The following SESN2 variants were observed in gnomAD, a reference collection of about 807,000 sequenced individuals.
The protein encoded by SESN2 is sestrin-2.
SESN2 carries 42 observed loss-of-function variants against 56.0 expected under a neutral mutation model. The observed-to-expected ratio is 0.75, with a 90% confidence interval of 0.59 to 0.97. SESN2 has a LOEUF of 0.97. Among genes scored for constraint, SESN2 ranks in the 50% least tolerant of loss-of-function variants. The pLI, the probability that SESN2 is intolerant of heterozygous loss-of-function variation, is 0.00. For synonymous variants in SESN2, 264 were observed against 267.1 expected, an observed-to-expected ratio of 0.99 and a Z score of 0.11; for missense variants, 507 against 649.4, an observed-to-expected ratio of 0.78 and a Z score of 2.38.
rs760136906 is a variant in SESN2, at chr1:28,273,492, G to A, written c.885G>A (p.Leu295=). The change falls in exon 6 of 10, where the codon CTG becomes CTA. Residue 295 remains leucine, a synonymous_variant. Coordinates refer to ENST00000253063, the MANE Select transcript of SESN2 (RefSeq NM_031459.5). ...TTGAGCTGGAGAAGTCAGAGAGCCTGCTGGTGACCCCCTCAGGTACAGGGT... is the reference window on the plus strand; with the variant it reads ...TTGAGCTGGAGAAGTCAGAGAGCCTACTGGTGACCCCCTCAGGTACAGGGT... The part of the protein sequence containing the change: ...SRFELEKSES[L]LVTPSADILE... The A allele has an allele frequency of 1.2e-6, 2 of 1,607,890 alleles. No individual in the cohort carries two copies.
intron 2 of SESN2, 25 bp from the exon 3 acceptor site, chr1:28,271,649 T>C (rs1294954945): frequency 6.3e-7 from 1 of 1,597,846 alleles, no homozygotes; most frequent in South Asian, 1.1e-5. Flanking sequence ...GGGAAACCCA[T>C]GCTCTCCTCC....
At chr1:28,280,299 C>T (rs987413252) in intron 9 of SESN2, among the ~76,000 whole-genome samples, 4 of 152,132 alleles carry the variant, frequency 2.6e-5, no homozygotes, top group Admixed American at 6.6e-5. Flanking sequence ...CTCTGTCTCC[C>T]GGGTTCAAGT....
intron 9 of SESN2, among the ~76,000 whole-genome samples, chr1:28,279,522 G>A (rs918421373): frequency 1.3e-5 from 2 of 152,020 alleles, no homozygotes; most frequent in Admixed American, 6.5e-5. Flanking sequence ...TGTGACTTTC[G>A]GCAAGTCACA....
chr1:28,278,768 C>T (rs558485467), intron 8 of SESN2, among the ~76,000 whole-genome samples: 1 of 152,316 alleles, frequency 6.6e-6, no homozygotes, highest in South Asian at 2.1e-4. Flanking sequence ...TCATCTATAA[C>T]ATGGGGTTGA....
chr1:28,279,967 C>A (rs2149041255), intron 9 of SESN2, among the ~76,000 whole-genome samples: 1 of 152,240 alleles, frequency 6.6e-6, no homozygotes, highest in Admixed American at 6.5e-5. Flanking sequence ...GTCCTCCCAA[C>A]TCAGCCCCCA....
chr1:28,273,825 G>A (rs553993399), intron 6 of SESN2, among the ~76,000 whole-genome samples: 2 of 152,238 alleles, frequency 1.3e-5, no homozygotes, highest in African/African-American at 4.8e-5. Context: ...TGCCACTATT[G>A]TTGTTACCAG....
chr1:28,272,240 CA>C (rs1226284384), intron 3 of SESN2, 43 bp from the exon 4 acceptor site: 1 of 1,601,430 alleles, frequency 6.2e-7, no homozygotes, highest in African/African-American at 1.3e-5. Flanking sequence ...GAGCCAGGCA[CA>C]AAAGGAGGAG....
chr1:28,262,717 A>G (rs1647420438), intron 1 of SESN2, among the ~76,000 whole-genome samples: 1 of 151,880 alleles, frequency 6.6e-6, no homozygotes, highest in East Asian at 1.9e-4. Context: ...TCACAAGGTC[A>G]GGAGATTGAG....
chr1:28,271,630 G>A (rs902903202), intron 2 of SESN2, 44 bp from the exon 3 acceptor site: 3 of 1,489,304 alleles, frequency 2.0e-6, no homozygotes, highest in Non-Finnish European at 2.8e-6. Flanking sequence ...TTTGATGAGT[G>A]GGGCAGGAGG....
chr1:28,262,341 G>A (rs1647401538), intron 1 of SESN2, among the ~76,000 whole-genome samples: 1 of 152,056 alleles, frequency 6.6e-6, no homozygotes, highest in Non-Finnish European at 1.5e-5. Flanking sequence ...GGTAGTATTG[G>A]GCTCCCGAAT....
intron 2 of SESN2, among the ~76,000 whole-genome samples, chr1:28,270,615 A>G (rs1486210610): frequency 6.6e-6 from 1 of 151,358 alleles, no homozygotes; most frequent in Non-Finnish European, 1.5e-5. Context: ...CTTGTTGCCC[A>G]GGCTGGAGTG....
At chr1:28,275,706 C>T (rs4908396) in intron 8 of SESN2, among the ~76,000 whole-genome samples, 30,695 of 151,116 alleles carry the variant, frequency 0.2, 3,341 homozygotes, top group Middle Eastern at 0.25. Context: ...GAGCTGGGAT[C>T]GTGCCACTGC....
chr1:28,263,654 C>T (rs1446249296), intron 1 of SESN2, among the ~76,000 whole-genome samples: 1 of 151,982 alleles, frequency 6.6e-6, no homozygotes, highest in African/African-American at 2.4e-5. Flanking sequence ...GGGTAGTAGA[C>T]AGAACCCTTG....
Position 28,279,683 on chromosome 1 carries a change from C to T in SESN2, c.1356+442C>T, listed in dbSNP as rs183647871. On this transcript the variant is annotated intron_variant, in intron 9 of 9. Transcript: ENST00000253063. ...GCCTCAGCCTCCTGAGTAGCTGGGA[C>T]TACAGGCGTGTGCCACCATCCCCAG... is the stretch of plus-strand genomic sequence containing the variant. 5.5e-3 allele frequency among the ~76,000 whole-genome samples: 838 copies of T among 151,072 alleles called. 4 individuals are homozygous for T. Among genetic ancestry groups the T allele is most frequent in the Non-Finnish European group, 8.5e-3 (578 of 67,704 alleles).
intron 1 of SESN2, among the ~76,000 whole-genome samples, chr1:28,260,425 C>T (rs1266828775): frequency 6.6e-6 from 1 of 152,128 alleles, no homozygotes; most frequent in Non-Finnish European, 1.5e-5. Flanking sequence ...TGTCCCCCAG[C>T]GCGGGGCGTA....
chr1:28,261,073 G>C (rs1179269282), intron 1 of SESN2, among the ~76,000 whole-genome samples: 2 of 152,154 alleles, frequency 1.3e-5, no homozygotes, highest in Admixed American at 6.5e-5. Flanking sequence ...AGTTGCTTTA[G>C]TTTACAGGCC....
rs549226038 is a variant in SESN2 at position 28,262,319 on chromosome 1, C to T, written c.90+2382C>T. Among the ~76,000 whole-genome samples, 4 of 152,234 alleles carry T rather than the reference C, an allele frequency of 2.6e-5. No homozygotes were observed. In the East Asian group the frequency reaches 7.7e-4, roughly 29 times the overall value. On this transcript the variant is annotated intron_variant, in intron 1 of 9. Coordinates refer to ENST00000253063, the MANE Select transcript of SESN2 (RefSeq NM_031459.5). ...TATCTTCAGAAAGTTCCAAGGGCTT[C>T]ACTCTAGTACTGGTAGTATTGGGCT...
At chr1:28,280,321 C>T (rs1243720746) in intron 9 of SESN2, among the ~76,000 whole-genome samples, 1 of 152,332 alleles carries the variant, frequency 6.6e-6, no homozygotes, top group Middle Eastern at 3.4e-3. Context: ...ATTCTCCTGC[C>T]TCAGCTTTCC....
At chr1:28,272,890 C>T (rs974660435) in intron 5 of SESN2, 97 bp downstream of exon 5, 1 of 673,154 alleles carries the variant, frequency 1.5e-6, no homozygotes, top group Non-Finnish European at 2.6e-6. Flanking sequence ...ATCTGCACTA[C>T]CTGCTGCTAT....
Sources: allele counts gnomAD v4.1 joint callset (sites outside exome capture counted in the v4.1 genomes callset), GRCh38; gene constraint gnomAD v4.1.1; transcripts MANE v1.5; gene names NCBI Gene and HGNC (gene_info 2026-07-23, HGNC 2026-07-21).